The following LEPR variants were observed in gnomAD, a reference collection of about 807,000 sequenced individuals.
LEPR encodes OB receptor.
In LEPR, 56 loss-of-function variants were observed where a neutral mutation model predicts 114.7. The observed-to-expected ratio is 0.49, with a 90% CI of 0.39 to 0.61. The LOEUF (loss-of-function observed/expected upper bound fraction) is 0.61. Ranked by LOEUF, LEPR falls within the 20% of genes least tolerant of loss-of-function variation. LEPR has a pLI of 0.00. For missense variants in LEPR, 1,202 were observed against 1,352.9 expected (o/e 0.89, Z 1.75); for synonymous variants, 443 against 461.4 (o/e 0.96, Z 0.51).
intron 2 of LEPR, among the ~76,000 whole-genome samples, chr1:65,473,486 T>C (rs892829751): frequency 2.0e-5 from 3 of 152,248 alleles, no homozygotes; most frequent in African/African-American, 7.2e-5. Flanking sequence ...ATCACATACT[T>C]CAATTAAAAT....
chr1:65,499,798 T>A (rs1648349721), intron 2 of LEPR, among the ~76,000 whole-genome samples: 1 of 152,178 alleles, frequency 6.6e-6, no homozygotes, highest in South Asian at 2.1e-4. Flanking sequence ...AGTATTTGTA[T>A]AAAATTTTAC....
intron 2 of LEPR, among the ~76,000 whole-genome samples, chr1:65,554,714 C>A (rs1037672414): frequency 2.6e-5 from 4 of 151,832 alleles, no homozygotes; most frequent in African/African-American, 9.7e-5. Flanking sequence ...GGGAAGTGAA[C>A]GGTTCTGTCT....
intron 5 of LEPR, among the ~76,000 whole-genome samples, chr1:65,587,533 A>T (rs1281493993): frequency 6.6e-6 from 1 of 151,846 alleles, no homozygotes; most frequent in Non-Finnish European, 1.5e-5. Flanking sequence ...TGGTTCGGGG[A>T]TTGTCTTGGT....
intron 2 of LEPR, among the ~76,000 whole-genome samples, chr1:65,528,161 GA>G (rs60902338): frequency 0.71 from 101,510 of 143,750 alleles, 35,768 homozygotes; most frequent in Middle Eastern, 0.88. Context: ...AAAGTATCCA[GA>G]AAAAAAAAAA....
chr1:65,449,306 G>A (rs537332573), intron 2 of LEPR, among the ~76,000 whole-genome samples: 1 of 144,714 alleles, frequency 6.9e-6, no homozygotes, highest in South Asian at 2.2e-4. Flanking sequence ...GAAAAAAAGA[G>A]CAATTGAATT....
chr1:65,614,961 A>G (rs1039555759), intron 14 of LEPR, among the ~76,000 whole-genome samples: 18 of 152,168 alleles, frequency 1.2e-4, no homozygotes, highest in Admixed American at 9.2e-4. Context: ...AGTACCAGAA[A>G]GTAAGGAAGC....
At chr1:65,573,531 C>T (rs906784191) in intron 5 of LEPR, among the ~76,000 whole-genome samples, 6 of 152,066 alleles carry the variant, frequency 3.9e-5, no homozygotes, top group Admixed American at 2.0e-4. Flanking sequence ...ACTCAAACAG[C>T]GAATATGTCA....
intron 2 of LEPR, chr1:65,526,250 G>T (rs1235998188): frequency 1.0e-6 from 1 of 985,288 alleles, no homozygotes; most frequent in African/African-American, 1.7e-5. Context: ...AAAAATAATT[G>T]TTCTGTAGGG....
In LEPR at chr1:65,433,012, C is replaced by T. The variant is rs1420096710; in HGVS notation, c.-21+7634C>T. 7.1e-6 allele frequency: 7 copies of T among 985,436 alleles called. No homozygotes were observed. The South Asian group carries it at 1.4e-4, about 20-fold the overall frequency. The allele number at this position is 985,436 out of a possible 1,614,324, so 61.0% of individuals were successfully genotyped here. On this transcript the variant is annotated intron_variant, in intron 2 of 19. Coordinates refer to ENST00000349533, the MANE Select transcript of LEPR (RefSeq NM_002303.6). The stretch of plus-strand genomic sequence containing the variant: ...GTGGGGAACAGATGTATCTTTTCAT[C>T]TGAAAGACAATGCTGGGGGAAGAGC...
chr1:65,586,061 A>G (rs1481181805), intron 5 of LEPR, among the ~76,000 whole-genome samples: 1 of 151,998 alleles, frequency 6.6e-6, no homozygotes, highest in Admixed American at 6.6e-5. Flanking sequence ...TTTTTTAGTC[A>G]TGGTTACTAT....
chr1:65,573,178 T>C (rs1654327984), intron 5 of LEPR, among the ~76,000 whole-genome samples: 1 of 152,212 alleles, frequency 6.6e-6, no homozygotes, highest in Non-Finnish European at 1.5e-5. Flanking sequence ...CTTCCCATGT[T>C]ATGGCTACAT....
At chr1:65,486,634 A>G (rs1337723799) in intron 2 of LEPR, 1 of 152,208 alleles carries the variant, frequency 6.6e-6, no homozygotes, top group Admixed American at 6.6e-5. Flanking sequence ...TGGGCCAATC[A>G]AATTCCTCTC....
intron 2 of LEPR, among the ~76,000 whole-genome samples, chr1:65,543,746 T>G (rs1431846331): frequency 6.6e-6 from 1 of 152,034 alleles, no homozygotes; most frequent in Non-Finnish European, 1.5e-5. Flanking sequence ...CATTGCTTGT[T>G]TTTGTCAGGA....
intron 5 of LEPR, among the ~76,000 whole-genome samples, chr1:65,585,463 G>A (rs960183465): frequency 5.9e-5 from 9 of 151,788 alleles, no homozygotes; most frequent in Non-Finnish European, 1.0e-4. Flanking sequence ...AACCATGTAT[G>A]GCTACCAAAA....
chr1:65,606,291 C>T (rs1465109837), intron 11 of LEPR, among the ~76,000 whole-genome samples: 1 of 152,106 alleles, frequency 6.6e-6, no homozygotes, highest in African/African-American at 2.4e-5. Flanking sequence ...CTCCTACACT[C>T]CCCCAAACAT....
At chr1:65,465,041 C>A (rs914190747) in intron 2 of LEPR, among the ~76,000 whole-genome samples, 5 of 152,094 alleles carry the variant, frequency 3.3e-5, no homozygotes, top group Non-Finnish European at 7.4e-5. Context: ...CTGCTCTGAT[C>A]TTAGTTATTT....
chr1:65,528,210 A>C (rs1650111143), intron 2 of LEPR, among the ~76,000 whole-genome samples: 1 of 151,828 alleles, frequency 6.6e-6, no homozygotes, highest in Admixed American at 6.6e-5. Context: ...TGCATTTTTC[A>C]TACTGAGAGC....
chr1:65,502,880 G>A (rs569892005), intron 2 of LEPR, among the ~76,000 whole-genome samples: 197 of 151,718 alleles, frequency 1.3e-3, no homozygotes, highest in Non-Finnish European at 2.6e-3. Context: ...AGAGAATGGG[G>A]GTGGGGGAGC....
chr1:65,513,120 A>G (rs940809268), intron 2 of LEPR, among the ~76,000 whole-genome samples: 1 of 152,058 alleles, frequency 6.6e-6, no homozygotes. Flanking sequence ...TTCTCATCCT[A>G]TTTACCAATT....
Sources: gnomAD v4.1 joint callset for allele counts (sites outside exome capture counted in the v4.1 genomes callset) on GRCh38, gnomAD v4.1.1 for gene constraint, MANE v1.5 for transcripts, NCBI Gene and HGNC (gene_info 2026-07-23, HGNC 2026-07-21) for gene names.